The following ZNF195 variants were observed in gnomAD, a reference collection of about 807,000 sequenced individuals.
ZNF195 encodes zinc finger protein 195.
ZNF195 carries 11 observed loss-of-function variants against 19.5 expected under a neutral mutation model. The observed-to-expected ratio is 0.57, with a 90% confidence interval of 0.36 to 0.94. The LOEUF is 0.94. ZNF195 is among the 40% of genes least tolerant of loss of function. The probability of loss-of-function intolerance (pLI) is 0.01; values close to 1 mark genes in which losing one functional copy is unlikely to be tolerated. For missense variants in ZNF195, 582 were observed against 709.0 expected, an observed-to-expected ratio of 0.82 and a Z score of 2.03; for synonymous variants, 214 against 248.1, an observed-to-expected ratio of 0.86 and a Z score of 1.29.
intron 1 of ZNF195, chr11:3,375,388 G>A: frequency 6.6e-6 from 1 of 152,166 alleles, no homozygotes; most frequent in Non-Finnish European, 1.5e-5. Context: ...TTCTAGGACA[G>A]ATATGGTAGA....
At chr11:3,367,129 C>A (rs1305289441) in intron 3 of ZNF195, 1 of 316,664 alleles carries the variant, frequency 3.2e-6, no homozygotes, top group Non-Finnish European at 6.3e-6. Context: ...ATCCAGCAAT[C>A]CCATTTCTAG....
intron 1 of ZNF195, among the ~76,000 whole-genome samples, chr11:3,374,736 G>A (rs761697461): frequency 6.6e-5 from 10 of 152,194 alleles, no homozygotes; most frequent in Non-Finnish European, 1.3e-4. Context: ...TTTTAAAAGT[G>A]TAGTGATAAA....
rs1848570198 is a variant in ZNF195, at chr11:3,360,324, A to G, written c.684T>C (p.Phe228=). Residue 228 remains phenylalanine (F), a synonymous_variant, in exon 6 of 6, where the codon TTT becomes TTC. Transcript: ENST00000399602. ...YNKYVKIFDN[F]SNLHRRNISN... ...TTATATTACGTCTATGTAAATTTGA[A>G]AAGTTATCAAAGATTTTAACATATT... 1 of 1,601,374 alleles carries G rather than the reference A, an allele frequency of 6.2e-7. No homozygotes were observed. The highest frequency in any genetic ancestry group is 1.1e-5 in the South Asian group (1 of 89,474).
chr11:3,359,490 T>C lies in ZNF195; in HGVS notation c.1518A>G (p.Leu506=), dbSNP rs141747981. ...CEECGNIFKQ[L]SDLTKHKKTH... is the part of the protein sequence containing the mutation. ...TTTTCTTATGCTTAGTGAGGTCTGA[T>C]AACTGCTTAAAGATGTTGCCACATT... is the stretch of plus-strand genomic sequence containing the variant. Residue 506 remains leucine, a synonymous_variant, in exon 6 of 6, where the codon TTA becomes TTG. Coordinates refer to ENST00000399602, the MANE Select transcript of ZNF195 (RefSeq NM_001130520.3). This position sits in a 1 kb window ranked among gnomAD's most constrained non-coding sequence, Gnocchi z 5.5. 6.7e-4 allele frequency: 1,078 copies of C among 1,614,128 alleles called. 5 individuals are homozygous for C. The African/African-American group carries it at 0.013, about 19-fold the overall frequency.
At chr11:3,375,401 C>G (rs1450174329) in intron 1 of ZNF195, 2 of 152,108 alleles carry the variant, frequency 1.3e-5, no homozygotes, top group African/African-American at 4.8e-5. Context: ...ATGGTAGAAG[C>G]TAAATATTTA....
chr11:3,377,389 T>C (rs1322364644), intron 1 of ZNF195, among the ~76,000 whole-genome samples: 1 of 152,180 alleles, frequency 6.6e-6, no homozygotes, highest in Non-Finnish European at 1.5e-5. Flanking sequence ...CCCCGCTGAG[T>C]GTCCCAGGTG....
In ZNF195 at chr11:3,378,232, C is replaced by T. The variant is rs553415298; in HGVS notation, c.3+806G>A. Among the ~76,000 whole-genome samples the T allele has an allele frequency of 6.6e-5, 10 of 152,044 alleles. No individual in the cohort carries two copies. The South Asian group carries it at 8.3e-4, about 13-fold the overall frequency. ...GGCTGAGGCAGGAGAATTGATTGAA[C>T]CCGGGAGGCAGAGGTTGCAGTGAGC... On this transcript the variant is annotated intron_variant, in intron 1 of 5. Transcript: ENST00000399602.
chr11:3,358,745 G>C lies in ZNF195; in HGVS notation c.*373C>G. 1 of 3,396 alleles carries C rather than the reference G, an allele frequency of 2.9e-4. No homozygotes were observed. Among genetic ancestry groups the C allele is most frequent in the Non-Finnish European group, 6.0e-4 (1 of 1,666 alleles). The allele number at this position is 3,396 out of a possible 1,614,324, so 0.2% of individuals were successfully genotyped here. Reference sequence around the variant, plus strand: ...TCTGTAGACTCAACACAGGGATTCAGTGTCATTTCTGAACGTGTCCTTGCT... The same window carrying C: ...TCTGTAGACTCAACACAGGGATTCACTGTCATTTCTGAACGTGTCCTTGCT... On this transcript the variant is annotated 3_prime_UTR_variant, in exon 6 of 6. Coordinates refer to ENST00000399602, the MANE Select transcript of ZNF195 (RefSeq NM_001130520.3).
chr11:3,362,620 G>T lies in ZNF195; in HGVS notation c.227-731C>A, dbSNP rs567217729. 7.0e-5 allele frequency: 38 copies of T among 545,600 alleles called. 1 individual carries two copies. In the South Asian group the frequency reaches 9.5e-4, roughly 14 times the overall value. 33.8% of individuals were successfully genotyped at this position (545,600 alleles called of 1,614,324 possible). A position where few individuals can be genotyped will look rare whatever the true frequency, so the allele number is the denominator to read the frequency against. On this transcript the variant is annotated intron_variant, in intron 3 of 5. Coordinates refer to ENST00000399602, the MANE Select transcript of ZNF195 (RefSeq NM_001130520.3). ...GAAAATACCTATAAGACACACAAAA[G>T]AAAATTTAAAAAGAGTCAAAGCTTA...
chr11:3,370,605 G>C (rs1849154860), intron 3 of ZNF195, among the ~76,000 whole-genome samples: 1 of 152,180 alleles, frequency 6.6e-6, no homozygotes, highest in African/African-American at 2.4e-5. Flanking sequence ...GCACACTTCA[G>C]ACATGATGCA....
chr11:3,371,881 T>C (rs2269731), intron 1 of ZNF195, among the ~76,000 whole-genome samples, 178 bp from the exon 2 acceptor site: 114,156 of 152,166 alleles, frequency 0.75, 43,186 homozygotes, highest in Middle Eastern at 0.8. Context: ...AAGCAGTGTA[T>C]ATACAATACT....
intron 3 of ZNF195, among the ~76,000 whole-genome samples, chr11:3,365,830 C>T (rs1848855260): frequency 1.3e-5 from 2 of 152,166 alleles, no homozygotes; most frequent in African/African-American, 4.8e-5. Context: ...AGTAATTTTC[C>T]ACAAGGTATC....
intron 3 of ZNF195, chr11:3,366,835 C>T (rs1267804464): frequency 1.2e-5 from 5 of 415,550 alleles, no homozygotes; most frequent in Admixed American, 2.5e-5. Context: ...GAGACCGAGG[C>T]GGGTGGATCA....
intron 3 of ZNF195, chr11:3,362,732 T>C (rs10734319): frequency 0.9 from 322,018 of 359,094 alleles, 144,893 homozygotes; most frequent in East Asian, 1. Flanking sequence ...CTAAAGTACA[T>C]CTTTTCATTT....
intron 1 of ZNF195, among the ~76,000 whole-genome samples, chr11:3,376,228 C>T (rs946480796): frequency 1.3e-5 from 2 of 151,928 alleles, no homozygotes; most frequent in Admixed American, 6.6e-5. Flanking sequence ...CTGGCGCACC[C>T]GCAGGGGAGG....
intron 4 of ZNF195, 89 bp from the exon 5 acceptor site, chr11:3,360,877 G>A: frequency 1.8e-6 from 2 of 1,128,978 alleles, no homozygotes; most frequent in Non-Finnish European, 2.5e-6. Context: ...GCCTTTAAGA[G>A]TACACCCTCA....
At position 3,359,388 on chromosome 11, in the gene ZNF195, A is replaced by C; in HGVS notation, c.1620T>G (p.His540Gln). 1.2e-6 allele frequency: 2 copies of C among 1,614,086 alleles called. No individual in the cohort carries two copies. The highest frequency in any genetic ancestry group is 1.7e-6 in the Non-Finnish European group (2 of 1,180,012). ...GTTTCTCTCCAGTATGAATTCTCTTATGTACAATAAGGTTGGAGGACTGGG... is the reference window on the plus strand; with the variant it reads ...GTTTCTCTCCAGTATGAATTCTCTTCTGTACAATAAGGTTGGAGGACTGGG... The part of the protein sequence containing the change: ...NFTQSSNLIV[H>Q]KRIHTGEKPY... Residue 540 changes from histidine to glutamine, a missense_variant, in exon 6 of 6, where the codon CAT becomes CAG. Physicochemically the swap from His to Gln is conservative, Grantham distance 24 (BLOSUM62 0). Coordinates refer to ENST00000399602, the MANE Select transcript of ZNF195 (RefSeq NM_001130520.3). The surrounding 1 kb of genome is among the most constrained non-coding windows in gnomAD (Gnocchi z 5.5).
chr11:3,371,737 G>T, intron 1 of ZNF195, 34 bp from the exon 2 acceptor site: 1 of 1,566,616 alleles, frequency 6.4e-7, no homozygotes, highest in South Asian at 1.2e-5. Flanking sequence ...ACAAATACTT[G>T]ATTCGAGGTG....
intron 3 of ZNF195, chr11:3,362,714 T>A (rs1848691380): frequency 2.6e-6 from 1 of 390,074 alleles, no homozygotes; most frequent in Admixed American, 4.2e-5. Context: ...GTAAAAAAAA[T>A]ACAATGGCTA....
Sources: allele counts gnomAD v4.1 joint callset (sites outside exome capture counted in the v4.1 genomes callset), GRCh38; gene constraint gnomAD v4.1.1; non-coding constraint Gnocchi (gnomAD v3.1); transcripts MANE v1.5; gene names NCBI Gene and HGNC (gene_info 2026-07-23, HGNC 2026-07-21).